The following PRR16 variants were observed in gnomAD, a reference collection of about 807,000 sequenced individuals.
The protein encoded by PRR16 is proline rich 16, also known as protein Largen.
A neutral mutation model predicts 18.2 loss-of-function variants in PRR16; 6 were observed. That is an observed-to-expected ratio of 0.33 (90% CI 0.18 to 0.65). PRR16 has a LOEUF of 0.65. Ranked by LOEUF, PRR16 falls within the 30% of genes least tolerant of loss-of-function variation. PRR16 has a pLI of 0.74. For missense variants in PRR16, 412 were observed against 376.6 expected (o/e 1.09, Z -0.78); for synonymous variants, 151 against 147.8 (o/e 1.02, Z -0.16).
chr5:120,735,448 T>C, the PRR16 span, among the ~76,000 whole-genome samples: 1 of 152,178 alleles, frequency 6.6e-6, no homozygotes, highest in Non-Finnish European at 1.5e-5. Context: ...GTACAAGTGG[T>C]GTAGTTTCTT....
chr5:120,489,917 G>T (rs1005913390), intron 1 of PRR16, among the ~76,000 whole-genome samples: 3 of 152,080 alleles, frequency 2.0e-5, no homozygotes, highest in African/African-American at 7.2e-5. Flanking sequence ...ATGAAACTTA[G>T]TTTGGCTGGA....
chr5:120,508,452 A>G (rs539429203), intron 1 of PRR16, among the ~76,000 whole-genome samples: 2 of 152,208 alleles, frequency 1.3e-5, no homozygotes, highest in East Asian at 3.9e-4. Context: ...ATGACAATTT[A>G]ATCTCTGTAG....
At chr5:120,478,902 G>A (rs1235363316) in intron 1 of PRR16, among the ~76,000 whole-genome samples, 2 of 151,810 alleles carry the variant, frequency 1.3e-5, no homozygotes, top group Non-Finnish European at 2.9e-5. Context: ...TAAATTAACT[G>A]GAAAATGACA....
the PRR16 span, among the ~76,000 whole-genome samples, chr5:120,771,724 T>C: frequency 6.6e-6 from 1 of 152,034 alleles, no homozygotes; most frequent in South Asian, 2.1e-4. Flanking sequence ...GGATTAACAG[T>C]GAACCGTACC....
the PRR16 span, among the ~76,000 whole-genome samples, chr5:120,760,991 G>A: frequency 7.2e-5 from 11 of 151,738 alleles, no homozygotes; most frequent in South Asian, 4.2e-4. Context: ...TGTTTTGGAG[G>A]GAGACCAAAC....
At chr5:120,649,676 T>A (rs1216119203) in intron 1 of PRR16, among the ~76,000 whole-genome samples, 2 of 152,108 alleles carry the variant, frequency 1.3e-5, no homozygotes, top group Non-Finnish European at 2.9e-5. Context: ...ACCATGTTAT[T>A]TTCTGGGTTA....
chr5:120,746,894 T>G, the PRR16 span, among the ~76,000 whole-genome samples: 1 of 152,180 alleles, frequency 6.6e-6, no homozygotes, highest in African/African-American at 2.4e-5. Flanking sequence ...GAGAAATTAT[T>G]TTGACTTAAA....
chr5:120,581,142 G>T (rs1275208204), intron 1 of PRR16, among the ~76,000 whole-genome samples: 1 of 152,068 alleles, frequency 6.6e-6, no homozygotes, highest in African/African-American at 2.4e-5. Flanking sequence ...CTGTAAATCC[G>T]TCTGGTCAGG....
chr5:120,574,633 T>A (rs1413534942), intron 1 of PRR16, among the ~76,000 whole-genome samples: 2 of 139,648 alleles, frequency 1.4e-5, no homozygotes, highest in Non-Finnish European at 2.9e-5. Flanking sequence ...GAAAAAAGGA[T>A]ATCCAAATTA....
chr5:120,618,764 T>A (rs564810406), intron 1 of PRR16, among the ~76,000 whole-genome samples: 2 of 152,116 alleles, frequency 1.3e-5, no homozygotes, highest in African/African-American at 2.4e-5. Context: ...CTTTTTTTTT[T>A]AATCAATTAT....
intron 1 of PRR16, among the ~76,000 whole-genome samples, chr5:120,468,384 G>A (rs947864933): frequency 1.3e-5 from 2 of 152,096 alleles, no homozygotes; most frequent in South Asian, 4.1e-4. Context: ...TTTTCTTAAT[G>A]TAAATAGGGT....
At chr5:120,769,109 T>C in the PRR16 span, among the ~76,000 whole-genome samples, 1 of 151,506 alleles carries the variant, frequency 6.6e-6, no homozygotes, top group Non-Finnish European at 1.5e-5. Flanking sequence ...TTGAGGTTCA[T>C]ACACCTATTT....
chr5:120,498,932 C>T (rs527237267), intron 1 of PRR16, among the ~76,000 whole-genome samples: 24 of 151,620 alleles, frequency 1.6e-4, no homozygotes, highest in African/African-American at 5.8e-4. Flanking sequence ...TGTTATTTTT[C>T]TCTTACTACT....
intron 1 of PRR16, among the ~76,000 whole-genome samples, chr5:120,614,390 G>C (rs570478020): frequency 1.1e-4 from 17 of 152,290 alleles, no homozygotes; most frequent in African/African-American, 4.1e-4. Context: ...CATTTGTCAC[G>C]AATTCAGGTT....
chr5:120,770,396 G>C, the PRR16 span, among the ~76,000 whole-genome samples: 1 of 151,880 alleles, frequency 6.6e-6, no homozygotes, highest in South Asian at 2.1e-4. Context: ...CTGGACCCTT[G>C]CCTTACATTA....
chr5:120,477,579 A>G (rs1214810474), intron 1 of PRR16, among the ~76,000 whole-genome samples: 1 of 152,162 alleles, frequency 6.6e-6, no homozygotes, highest in Non-Finnish European at 1.5e-5. Flanking sequence ...CCTCCTGACT[A>G]TTCTCCTTTG....
chr5:120,510,566 A>G (rs146021064), intron 1 of PRR16, among the ~76,000 whole-genome samples: 39 of 152,302 alleles, frequency 2.6e-4, no homozygotes, highest in Non-Finnish European at 5.1e-4. Flanking sequence ...GATATTAGAC[A>G]TTGTGTGATG....
intron 1 of PRR16, among the ~76,000 whole-genome samples, chr5:120,516,522 C>T (rs887092919): frequency 3.4e-5 from 5 of 146,480 alleles, no homozygotes; most frequent in African/African-American, 7.4e-5. Flanking sequence ...CACGCATATA[C>T]ATTAACAATT....
intron 1 of PRR16, among the ~76,000 whole-genome samples, chr5:120,677,967 T>C (rs1295334821): frequency 1.5e-5 from 2 of 130,886 alleles, no homozygotes; most frequent in East Asian, 2.4e-4. Flanking sequence ...TGGAGTGCAG[T>C]GGCGCGATCT....
Sources: gnomAD v4.1 joint callset for allele counts (sites outside exome capture counted in the v4.1 genomes callset) on GRCh38, gnomAD v4.1.1 for gene constraint, MANE v1.5 for transcripts, NCBI Gene and HGNC (gene_info 2026-07-23, HGNC 2026-07-21) for gene names.